The following C7 variants were observed in gnomAD, a reference collection of about 807,000 sequenced individuals.
C7 encodes complement C7.
In C7, 83 loss-of-function variants were observed where a neutral mutation model predicts 104.8. That is an observed-to-expected ratio of 0.79 (90% CI 0.66 to 0.95). C7 has a LOEUF of 0.95. Ranked by LOEUF, C7 falls within the 40% of genes least tolerant of loss-of-function variation. The pLI is 0.00. For synonymous variants in C7, 415 were observed against 360.6 expected, an observed-to-expected ratio of 1.15 and a Z score of -1.71; for missense variants, 1,070 against 1,011.2, an observed-to-expected ratio of 1.06 and a Z score of -0.79.
chr5:40,958,209 G>T lies in C7; in HGVS notation c.1437G>T (p.Pro479=), dbSNP rs773940240. ...CCCATTGTCTGTGCCATTGCAAACC[G>T]TACACATTTGGTGCGGCGTGTGAGC... ...EGTHCLCHCK[P]YTFGAACEQG... is the part of the protein sequence containing the mutation. The change falls in exon 11 of 18, where the codon CCG becomes CCT. Residue 479 remains proline (P), a synonymous_variant. Coordinates refer to ENST00000313164, the MANE Select transcript of C7 (RefSeq NM_000587.4). 19 of 1,613,060 alleles carry T rather than the reference G, an allele frequency of 1.2e-5. No individual in the cohort carries two copies. The highest frequency in any genetic ancestry group is 1.4e-5 in the Non-Finnish European group (16 of 1,179,418).
intron 9 of C7, among the ~76,000 whole-genome samples, chr5:40,954,548 A>G (rs1740243627): frequency 6.6e-6 from 1 of 152,148 alleles, no homozygotes; most frequent in Non-Finnish European, 1.5e-5. Flanking sequence ...CCCTAATATC[A>G]TCTGCTCTCA....
intron 9 of C7, among the ~76,000 whole-genome samples, chr5:40,954,616 G>T (rs958616929): frequency 6.6e-6 from 1 of 151,900 alleles, no homozygotes; most frequent in East Asian, 1.9e-4. Flanking sequence ...AGGTGCAGTG[G>T]TTCACACCTG....
intron 4 of C7, 57 bp downstream of exon 4, chr5:40,934,523 GA>G: frequency 6.5e-7 from 1 of 1,531,488 alleles, no homozygotes; most frequent in African/African-American, 1.4e-5. Flanking sequence ...GTTATTTGGT[GA>G]ACTTGCTCGT....
At chr5:40,976,672 C>T (rs1740826113) in intron 15 of C7, 78 bp from the exon 16 acceptor site, 1 of 936,486 alleles carries the variant, frequency 1.1e-6, no homozygotes. Flanking sequence ...AGACCCTGGT[C>T]CAGCAATTCA....
At chr5:40,963,162 G>A (rs916429097) in intron 13 of C7, among the ~76,000 whole-genome samples, 2 of 152,174 alleles carry the variant, frequency 1.3e-5, no homozygotes, top group African/African-American at 4.8e-5. Context: ...TGTGTGTGGT[G>A]TTGTTTTAGG....
At chr5:40,929,843 G>A (rs1465829464) in intron 2 of C7, among the ~76,000 whole-genome samples, 1 of 152,102 alleles carries the variant, frequency 6.6e-6, no homozygotes, top group African/African-American at 2.4e-5. Context: ...AACAGGGGAT[G>A]CATTTAAATA....
intron 2 of C7, among the ~76,000 whole-genome samples, chr5:40,930,044 C>T (rs1739645128): frequency 6.6e-6 from 1 of 151,952 alleles, no homozygotes; most frequent in Non-Finnish European, 1.5e-5. Context: ...TTTCACCTAC[C>T]CTCTTAACTC....
chr5:40,960,237 A>G (rs1740395772), intron 12 of C7, among the ~76,000 whole-genome samples: 1 of 152,182 alleles, frequency 6.6e-6, no homozygotes, highest in Non-Finnish European at 1.5e-5. Context: ...AGAATTCTTT[A>G]TGCCACACCC....
chr5:40,967,662 T>C (rs1740587732), intron 14 of C7: 1 of 197,906 alleles, frequency 5.1e-6, no homozygotes, highest in Non-Finnish European at 1.1e-5. Flanking sequence ...TCACCAAGCA[T>C]TTCCGAACAT....
At chr5:40,924,964 C>T (rs28834109) in intron 1 of C7, among the ~76,000 whole-genome samples, 34,531 of 152,142 alleles carry the variant, frequency 0.23, 4,114 homozygotes, top group East Asian at 0.32. Flanking sequence ...TTCGGGGCCT[C>T]TTCTCCATTG....
At chr5:40,975,812 G>A (rs939224454) in intron 15 of C7, among the ~76,000 whole-genome samples, 1 of 152,196 alleles carries the variant, frequency 6.6e-6, no homozygotes, top group African/African-American at 2.4e-5. Flanking sequence ...AAGTAAGGAA[G>A]TATTTCATAG....
intron 14 of C7, chr5:40,972,133 T>G: frequency 1.9e-6 from 1 of 528,076 alleles, no homozygotes. Flanking sequence ...TAGGACTCTA[T>G]TGGGGTTGTT....
chr5:40,911,678 A>T (rs1306802598), intron 1 of C7, among the ~76,000 whole-genome samples: 12 of 152,130 alleles, frequency 7.9e-5, no homozygotes, highest in African/African-American at 2.9e-4. Context: ...ATTCAGGGGA[A>T]TGTAGTTCCA....
chr5:40,928,834 C>T (rs1408622337), intron 2 of C7, among the ~76,000 whole-genome samples, 199 bp downstream of exon 2: 1 of 151,948 alleles, frequency 6.6e-6, no homozygotes, highest in Non-Finnish European at 1.5e-5. Flanking sequence ...AAGAATAATT[C>T]TCTTGTAAAA....
intron 6 of C7, among the ~76,000 whole-genome samples, chr5:40,939,253 T>C (rs1306142582): frequency 1.3e-5 from 2 of 152,218 alleles, no homozygotes; most frequent in African/African-American, 4.8e-5. Flanking sequence ...GTAATATAAA[T>C]GAGAAGTAAA....
At chr5:40,964,958 GC>G in intron 14 of C7, 85 bp downstream of exon 14, 1 of 1,480,558 alleles carries the variant, frequency 6.8e-7, no homozygotes, top group Non-Finnish European at 9.3e-7. Flanking sequence ...TCACCATATG[GC>G]CCATGTGTTG....
intron 1 of C7, among the ~76,000 whole-genome samples, chr5:40,915,186 T>C (rs982874656): frequency 6.6e-6 from 1 of 152,146 alleles, no homozygotes; most frequent in Non-Finnish European, 1.5e-5. Flanking sequence ...GAATCAGCAG[T>C]CAAACGTCTA....
intron 14 of C7, among the ~76,000 whole-genome samples, chr5:40,971,487 C>A (rs1429205724): frequency 6.6e-6 from 1 of 152,126 alleles, no homozygotes; most frequent in African/African-American, 2.4e-5. Flanking sequence ...TGGATATTAG[C>A]CCTTTGTCAG....
chr5:40,946,940 C>T (rs1740061059), intron 7 of C7, among the ~76,000 whole-genome samples: 1 of 151,696 alleles, frequency 6.6e-6, no homozygotes, highest in Non-Finnish European at 1.5e-5. Context: ...TGCCTGTAAT[C>T]CCAGCTACTC....
Sources: allele counts gnomAD v4.1 joint callset (sites outside exome capture counted in the v4.1 genomes callset), GRCh38; gene constraint gnomAD v4.1.1; transcripts MANE v1.5; gene names NCBI Gene and HGNC (gene_info 2026-07-23, HGNC 2026-07-21).